The following DCAF1 variants were observed in gnomAD, a reference collection of about 807,000 sequenced individuals.
DCAF1 encodes the protein DDB1- and CUL4-associated factor 1.
DCAF1 carries 15 observed loss-of-function variants against 128.0 expected under a neutral mutation model. The observed-to-expected ratio is 0.12, with a 90% CI of 0.08 to 0.18. DCAF1 has a LOEUF of 0.18. Ranked by LOEUF, DCAF1 falls within the 10% of genes least tolerant of loss-of-function variation. The probability of loss-of-function intolerance (pLI) is 1.00; values close to 1 mark genes in which losing one functional copy is unlikely to be tolerated. For missense variants in DCAF1, 988 were observed against 1,649.5 expected (o/e 0.60, Z 6.95); for synonymous variants, 610 against 603.0 (o/e 1.01, Z -0.17).
chr3:51,415,107 T>C lies in DCAF1; in HGVS notation c.3604-250A>G, dbSNP rs1553629902. Among the ~76,000 whole-genome samples the C allele has an allele frequency of 2.0e-5, 3 of 152,122 alleles. No homozygotes were observed. The South Asian group carries it at 6.2e-4, about 32-fold the overall frequency. On this transcript the variant is annotated intron_variant, in intron 18 of 24. Transcript: ENST00000684031. ...CATTATATTTGATTTCCTTCCCAAGTTCCTCATTTGGCAACTCCTAAACAC... is the reference window on the plus strand; with the variant it reads ...CATTATATTTGATTTCCTTCCCAAGCTCCTCATTTGGCAACTCCTAAACAC...
rs563013015 is a variant in DCAF1 at position 51,430,708 on chromosome 3, C to G, written c.1288-496G>C. Reference sequence around the variant, plus strand: ...TTGATATTTTTTTCTCTATCTTAGCCATAAGTAATTTTGTATGTACACACA... The same window carrying G: ...TTGATATTTTTTTCTCTATCTTAGCGATAAGTAATTTTGTATGTACACACA... On this transcript the variant is annotated intron_variant, in intron 10 of 24. Coordinates refer to ENST00000684031, the MANE Select transcript of DCAF1 (RefSeq NM_001387579.1). 2.0e-4 allele frequency among the ~76,000 whole-genome samples: 30 copies of G among 152,224 alleles called. 1 individual carries two copies. The South Asian group carries it at 2.1e-3, about 11-fold the overall frequency.
chr3:51,474,177 G>C (rs541159723), intron 3 of DCAF1, among the ~76,000 whole-genome samples: 1 of 152,194 alleles, frequency 6.6e-6, no homozygotes, highest in South Asian at 2.1e-4. Context: ...CCAGCACTTT[G>C]GGAGGCTGAG....
intron 3 of DCAF1, among the ~76,000 whole-genome samples, chr3:51,478,882 CAT>C (rs782174137): frequency 2.2e-4 from 34 of 152,148 alleles, no homozygotes; most frequent in Non-Finnish European, 3.5e-4. Flanking sequence ...GGTATTTTCA[CAT>C]GTTCCCCATG....
chr3:51,498,216 C>T (rs1370129034), intron 1 of DCAF1, among the ~76,000 whole-genome samples: 1 of 150,680 alleles, frequency 6.6e-6, no homozygotes, highest in East Asian at 1.9e-4. Context: ...AAAAATTATC[C>T]GGGCGTGGTG....
intron 23 of DCAF1, among the ~76,000 whole-genome samples, chr3:51,406,250 G>A (rs13322621): frequency 0.011 from 1,631 of 150,324 alleles, 42 homozygotes; most frequent in African/African-American, 0.037. Context: ...GGCTGAGGCA[G>A]GAGAATGGCA....
intron 9 of DCAF1, among the ~76,000 whole-genome samples, chr3:51,435,804 T>C (rs935236586): frequency 6.6e-6 from 1 of 152,216 alleles, no homozygotes; most frequent in African/African-American, 2.4e-5. Context: ...CTGGCCTCCT[T>C]GTATCCCTCG....
intron 9 of DCAF1, among the ~76,000 whole-genome samples, chr3:51,439,442 A>ATTTTTTTTTTTTTT (rs1191716094): frequency 7.8e-6 from 1 of 128,434 alleles, no homozygotes; most frequent in African/African-American, 3.0e-5. Context: ...TGCTATTTCT[A>ATTTTTTTTTTTTTT]TTTTTTTTTT....
intron 22 of DCAF1, 96 bp downstream of exon 22, chr3:51,412,897 T>G: frequency 6.5e-7 from 1 of 1,538,652 alleles, no homozygotes; most frequent in Non-Finnish European, 8.8e-7. Flanking sequence ...ATGTATTGAC[T>G]TTACATCTTA....
intron 9 of DCAF1, chr3:51,438,216 G>A (rs1305805645): frequency 3.2e-6 from 1 of 310,748 alleles, no homozygotes; most frequent in African/African-American, 2.2e-5. Flanking sequence ...TTATTTCCAT[G>A]GTTCAAGAAA....
intron 24 of DCAF1, among the ~76,000 whole-genome samples, chr3:51,402,566 ATTTTTTT>A (rs540396047): frequency 2.4e-5 from 2 of 84,984 alleles, no homozygotes; most frequent in African/African-American, 1.0e-4. Context: ...CCTACAAAGC[ATTTTTTT>A]TTTTTTTTTT....
At chr3:51,442,034 A>G in intron 7 of DCAF1, 137 bp from the exon 8 acceptor site, 2 of 1,219,294 alleles carry the variant, frequency 1.6e-6, no homozygotes, top group Non-Finnish European at 2.2e-6. Context: ...AATTTGATAA[A>G]TGCGTTGCTT....
At chr3:51,498,135 G>T (rs1238510650) in intron 1 of DCAF1, among the ~76,000 whole-genome samples, 1 of 148,022 alleles carries the variant, frequency 6.8e-6, no homozygotes, top group African/African-American at 2.5e-5. Flanking sequence ...GCCGAGGTGG[G>T]CAGATCACGA....
chr3:51,418,345 C>CT, intron 16 of DCAF1, 147 bp from the exon 17 acceptor site: 1 of 1,420,774 alleles, frequency 7.0e-7, no homozygotes, highest in South Asian at 1.5e-5. Context: ...AAGAAATGGT[C>CT]AGAAGCCACT....
At chr3:51,431,980 GA>G (rs74749070) in intron 10 of DCAF1, among the ~76,000 whole-genome samples, 23 of 142,594 alleles carry the variant, frequency 1.6e-4, no homozygotes, top group East Asian at 4.2e-4. Context: ...CCTGTCATTA[GA>G]AAAAAAAAAG....
chr3:51,437,883 G>GA (rs1297236054), intron 9 of DCAF1, among the ~76,000 whole-genome samples: 15 of 149,714 alleles, frequency 1.0e-4, no homozygotes, highest in African/African-American at 3.4e-4. Flanking sequence ...CACTACGCCA[G>GA]AAAAAAAAGA....
chr3:51,468,903 T>G (rs1218447285), intron 4 of DCAF1, among the ~76,000 whole-genome samples: 2 of 152,236 alleles, frequency 1.3e-5, no homozygotes, highest in African/African-American at 4.8e-5. Context: ...TATCTATCTT[T>G]TAATGCTTTT....
At chr3:51,440,935 A>C (rs1701305086) in intron 9 of DCAF1, 35 bp downstream of exon 9, 1 of 1,547,948 alleles carries the variant, frequency 6.5e-7, no homozygotes, top group Non-Finnish European at 8.8e-7. Context: ...GTTTTTAAAA[A>C]ATCCCCGGTG....
chr3:51,423,819 CAAA>C (rs200404018), intron 13 of DCAF1, among the ~76,000 whole-genome samples: 9 of 70,644 alleles, frequency 1.3e-4, no homozygotes, highest in Admixed American at 2.5e-4. Context: ...GACTCCGTTT[CAAA>C]AAAAAAAAAA....
intron 17 of DCAF1, among the ~76,000 whole-genome samples, chr3:51,417,728 T>TA (rs1363278698): frequency 8.7e-5 from 4 of 45,860 alleles, no homozygotes; most frequent in South Asian, 6.1e-4. Flanking sequence ...TCACAAAAAA[T>TA]AAAAAAAAGA....
Sources: gnomAD v4.1 joint callset for allele counts (sites outside exome capture counted in the v4.1 genomes callset) on GRCh38, gnomAD v4.1.1 for gene constraint, MANE v1.5 for transcripts, NCBI Gene and HGNC (gene_info 2026-07-23, HGNC 2026-07-21) for gene names.